CSMD2: variants seen among roughly 807,000 people sequenced by gnomAD.
The protein encoded by CSMD2 is CUB and Sushi multiple domains 2.
Under a neutral mutation model 398.5 loss-of-function variants are expected in CSMD2, and 130 were observed. That is an observed-to-expected ratio of 0.33 (90% CI 0.28 to 0.38). The LOEUF (loss-of-function observed/expected upper bound fraction) is 0.38, where lower values mean the gene tolerates loss of function less well. Ranked by LOEUF, CSMD2 falls within the 10% of genes least tolerant of loss-of-function variation. The pLI is 1.00. For missense variants in CSMD2, 3,829 were observed against 4,764.9 expected (o/e 0.80, Z 5.78); for synonymous variants, 1,828 against 1,908.5 (o/e 0.96, Z 1.10).
intron 10 of CSMD2, among the ~76,000 whole-genome samples, chr1:33,804,047 T>C (rs1236082096): frequency 6.6e-6 from 1 of 152,248 alleles, no homozygotes; most frequent in Non-Finnish European, 1.5e-5. Flanking sequence ...TTCCTAACCT[T>C]TAACCTTTCC....
chr1:33,809,320 C>T (rs1177732682), intron 10 of CSMD2, among the ~76,000 whole-genome samples: 2 of 151,728 alleles, frequency 1.3e-5, no homozygotes, highest in African/African-American at 2.4e-5. Context: ...ACTAAATGAT[C>T]AAGTTATGTT....
chr1:33,783,435 C>CTCAT (rs1394477656), intron 12 of CSMD2, among the ~76,000 whole-genome samples: 55 of 16,228 alleles, frequency 3.4e-3, no homozygotes, highest in Non-Finnish European at 0.014. Flanking sequence ...CTCTCATTCT[C>CTCAT]TCTCTCTCTC....
chr1:34,110,588 AG>A (rs1360249067), intron 1 of CSMD2, among the ~76,000 whole-genome samples: 7 of 152,238 alleles, frequency 4.6e-5, no homozygotes, highest in African/African-American at 1.4e-4. Context: ...ATCTTAAGCT[AG>A]AAGTCATTAT....
At chr1:34,031,219 T>C (rs951490896) in intron 3 of CSMD2, among the ~76,000 whole-genome samples, 1 of 151,920 alleles carries the variant, frequency 6.6e-6, no homozygotes, top group African/African-American at 2.4e-5. Flanking sequence ...TGTAACACCA[T>C]GCCCGGCTAA....
At chr1:34,108,170 C>T (rs989277) in intron 1 of CSMD2, among the ~76,000 whole-genome samples, 76,747 of 151,970 alleles carry the variant, frequency 0.51, 20,378 homozygotes, top group Non-Finnish European at 0.59. Context: ...CTGGCCTCAT[C>T]CCTAAAGAAA....
chr1:33,544,897 C>A (rs1029484448), intron 57 of CSMD2, among the ~76,000 whole-genome samples: 1 of 150,472 alleles, frequency 6.6e-6, no homozygotes, highest in African/African-American at 2.5e-5. Flanking sequence ...TTTTCCCTTG[C>A]CACTTCTGCC....
chr1:33,632,654 T>C (rs1387614357), intron 32 of CSMD2, among the ~76,000 whole-genome samples: 3 of 152,194 alleles, frequency 2.0e-5, no homozygotes, highest in Admixed American at 2.0e-4. Flanking sequence ...GTGATCAAAC[T>C]GACAAGATCT....
rs372946064 is a variant in CSMD2 at position 33,864,152 on chromosome 1, T to C, written c.921-17156A>G. The C allele has an allele frequency of 7.1e-6, 11 of 1,540,458 alleles. No individual in the cohort carries two copies. The African/African-American group carries it at 1.1e-4, about 15-fold the overall frequency. On this transcript the variant is annotated intron_variant, in intron 5 of 70. Coordinates refer to ENST00000373381, the MANE Select transcript of CSMD2 (RefSeq NM_001281956.2). The stretch of plus-strand genomic sequence containing the variant: ...AGTGTGGGAACAACAGTCTCTCCTG[T>C]CCACGTTACTGAATCCAGAAAAAAG...
At chr1:33,521,618 C>T in intron 67 of CSMD2, 68 bp from the exon 68 acceptor site, 2 of 994,230 alleles carry the variant, frequency 2.0e-6, no homozygotes, top group Non-Finnish European at 3.3e-6. Flanking sequence ...CCTCTCTCAT[C>T]ATACACGCTG....
At chr1:34,149,005 C>T (rs1640041828) in intron 1 of CSMD2, among the ~76,000 whole-genome samples, 1 of 152,174 alleles carries the variant, frequency 6.6e-6, no homozygotes, top group Admixed American at 6.5e-5. Context: ...AACCTTTGCC[C>T]TCCCCGAGCA....
At chr1:33,630,637 TA>T (rs144028145) in intron 32 of CSMD2, among the ~76,000 whole-genome samples, 20,577 of 150,816 alleles carry the variant, frequency 0.14, 1,643 homozygotes, top group East Asian at 0.24. Context: ...TTTAGAAAAC[TA>T]AAAAAAAAGG....
chr1:33,539,377 A>G (rs1656117401), intron 60 of CSMD2, among the ~76,000 whole-genome samples: 1 of 152,252 alleles, frequency 6.6e-6, no homozygotes, highest in Admixed American at 6.5e-5. Context: ...TTGTATCTAC[A>G]AGGAAATTCT....
At chr1:33,580,922 T>C (rs1301294175) in intron 47 of CSMD2, 23 bp from the exon 48 acceptor site, 3 of 1,612,672 alleles carry the variant, frequency 1.9e-6, no homozygotes, top group African/African-American at 2.7e-5. Flanking sequence ...GGACGCAGGA[T>C]TACAGACCAT....
chr1:33,636,630 ATGAGG>A lies in CSMD2; in HGVS notation c.4775-81_4775-77del. 1 of 1,303,146 alleles carries A rather than the reference ATGAGG, an allele frequency of 7.7e-7. No individual in the cohort carries two copies. Among genetic ancestry groups the A allele is most frequent in the Non-Finnish European group, 1.1e-6 (1 of 921,568 alleles). 80.7% of individuals were successfully genotyped at this position (1,303,146 alleles called of 1,614,324 possible). ...AGGCTATTCTTGGGCTCCAGTGCCCATGAGGAGAACCCGACTTTAATTAGCCACAG... is the reference window on the plus strand; with the variant it reads ...AGGCTATTCTTGGGCTCCAGTGCCCAAGAACCCGACTTTAATTAGCCACAG... On this transcript the variant is annotated intron_variant, in intron 29 of 70. Coordinates refer to ENST00000373381, the MANE Select transcript of CSMD2 (RefSeq NM_001281956.2). The surrounding 1 kb of genome is among the most constrained non-coding windows in gnomAD (Gnocchi z 4.8).
At chr1:33,698,469 G>T (rs1040662328) in intron 24 of CSMD2, among the ~76,000 whole-genome samples, 1 of 152,142 alleles carries the variant, frequency 6.6e-6, no homozygotes, top group African/African-American at 2.4e-5. Flanking sequence ...TATCACCCGC[G>T]TTACAATTTT....
At chr1:34,095,549 T>C (rs1304151981) in intron 1 of CSMD2, among the ~76,000 whole-genome samples, 1 of 151,606 alleles carries the variant, frequency 6.6e-6, no homozygotes, top group Non-Finnish European at 1.5e-5. Context: ...AAGAGTCAAA[T>C]AGACGCAATA....
intron 3 of CSMD2, among the ~76,000 whole-genome samples, chr1:33,985,548 A>G (rs1195250114): frequency 3.9e-5 from 6 of 152,134 alleles, no homozygotes; most frequent in Non-Finnish European, 8.8e-5. Flanking sequence ...AAGCCAGTGG[A>G]GTCGAAACGT....
chr1:33,764,240 G>T (rs902379714), intron 13 of CSMD2, among the ~76,000 whole-genome samples: 1 of 152,004 alleles, frequency 6.6e-6, no homozygotes, highest in Non-Finnish European at 1.5e-5. Flanking sequence ...CTTCATCCAG[G>T]GTCAGCTCTT....
chr1:33,679,534 C>G (rs1256451473), intron 25 of CSMD2, among the ~76,000 whole-genome samples: 2 of 152,096 alleles, frequency 1.3e-5, no homozygotes, highest in Non-Finnish European at 2.9e-5. Flanking sequence ...AACTTGGTGA[C>G]CTTGCAGAGC....
Sources: gnomAD v4.1 joint callset for allele counts (sites outside exome capture counted in the v4.1 genomes callset) on GRCh38, gnomAD v4.1.1 for gene constraint, Gnocchi (gnomAD v3.1) non-coding constraint, MANE v1.5 for transcripts, NCBI Gene and HGNC (gene_info 2026-07-23, HGNC 2026-07-21) for gene names.